Variants in GAL3ST3 observed in about 807,000 individuals in gnomAD.
The protein encoded by GAL3ST3 is galactose-3-O-sulfotransferase 3, also known as beta-galactose-3-O-sulfotransferase 3.
In GAL3ST3, 21 loss-of-function variants were observed where a neutral mutation model predicts 20.8. That is an observed-to-expected ratio of 1.01 (90% CI 0.72 to 1.45). The LOEUF is 1.45. Ranked by LOEUF, GAL3ST3 falls within the 40% of genes most tolerant of loss-of-function variation. GAL3ST3 has a pLI of 0.00. For missense variants in GAL3ST3, 739 were observed against 662.7 expected (o/e 1.12, Z -1.26); for synonymous variants, 355 against 307.2 (o/e 1.16, Z -1.63).
In GAL3ST3 at chr11:66,043,717, G is replaced by A. The variant is rs377367272; in HGVS notation, c.126-40C>T. On this transcript the variant is annotated intron_variant, in intron 2 of 2. Transcript: ENST00000312006. ...GAGTGTGCGGAGAGGAGGGTGTGAG[G>A]GGGCTGCCGCTTGACCCCTGCCCTT... The A allele has an allele frequency of 4.1e-3, 6,301 of 1,530,912 alleles. 18 individuals carry two copies. Among genetic ancestry groups the A allele is most frequent in the Non-Finnish European group, 5.1e-3 (5,771 of 1,131,008 alleles). The allele number at this position is 1,530,912 out of a possible 1,614,324, so 94.8% of individuals were successfully genotyped here.
In GAL3ST3 at chr11:66,045,327, A is replaced by G; in HGVS notation, c.89T>C (p.Val30Ala). The G allele has an allele frequency of 1.2e-6, 2 of 1,600,416 alleles. No homozygotes were observed. Among genetic ancestry groups the G allele is most frequent in the Non-Finnish European group, 8.5e-7 (1 of 1,172,926 alleles). ...ILLLVLGCST[V>A]SLLIHQGAQL... Reference sequence around the variant, plus strand: ...CGCCCCCTGGTGGATGAGAAGGCTTACGGTGCTGCACCCTAGCACCAGCAG... The same window carrying G: ...CGCCCCCTGGTGGATGAGAAGGCTTGCGGTGCTGCACCCTAGCACCAGCAG... Residue 30 changes from valine to alanine, a missense_variant, in exon 2 of 3, where the codon GTA (valine) becomes GCA (alanine). By Grantham distance (64) the Val-to-Ala change is moderately conservative. Coordinates refer to ENST00000312006, the MANE Select transcript of GAL3ST3 (RefSeq NM_033036.3).
chr11:66,043,534 T>C lies in GAL3ST3; in HGVS notation c.269A>G (p.His90Arg). Residue 90 changes from histidine (H) to arginine (R), a missense_variant, in exon 3 of 3, where the codon CAC becomes CGC. His to Arg is a conservative substitution (Grantham distance 29). Transcript: ENST00000312006. ...QNILFRFAER[H>R]NLTVALPHPS... ...GTGCGGCAGGGCCACCGTCAGGTTG[T>C]GGCGCTCGGCAAAGCGAAACAGGAT... The C allele has an allele frequency of 1.9e-6, 3 of 1,610,936 alleles. No individual in the cohort carries two copies. The highest frequency in any genetic ancestry group is 1.1e-5 in the South Asian group (1 of 91,076).
In GAL3ST3 at chr11:66,042,569, CG is replaced by C. The variant is rs1856717696; in HGVS notation, c.1233del (p.Val412SerfsTer49). On this transcript the variant is annotated frameshift_variant, in exon 3 of 3. Coordinates refer to ENST00000312006, the MANE Select transcript of GAL3ST3 (RefSeq NM_033036.3). LOFTEE classifies it high-confidence loss of function. The stretch of plus-strand genomic sequence containing the variant: ...GGCCGAGGCGGGGGATTGTCCAGGA[CG>C]GGCTCGGGCCGAGCCCGCGCACCGC... ...RRGGARARPE[P>X]VLDNPPPRPI... The C allele has an allele frequency of 2.6e-6, 4 of 1,518,846 alleles. No individual in the cohort carries two copies. Among genetic ancestry groups the C allele is most frequent in the Non-Finnish European group, 1.8e-6 (2 of 1,137,716 alleles). The allele number at this position is 1,518,846 out of a possible 1,614,324, so 94.1% of individuals were successfully genotyped here.
At chr11:66,048,000 C>G (rs1368082833) in intron 1 of GAL3ST3, among the ~76,000 whole-genome samples, 1 of 152,136 alleles carries the variant, frequency 6.6e-6, no homozygotes, top group African/African-American at 2.4e-5. Flanking sequence ...GAGATGGGGC[C>G]AAGGCAGTGC....
At chr11:66,045,256 G>A (rs1350493912) in intron 2 of GAL3ST3, 35 bp downstream of exon 2, 1 of 1,478,996 alleles carries the variant, frequency 6.8e-7, no homozygotes, top group African/African-American at 1.4e-5. Flanking sequence ...AATGGGGAGG[G>A]GAGCTCCGGC....
chr11:66,042,692 C>T lies in GAL3ST3; in HGVS notation c.1111G>A (p.Gly371Ser), dbSNP rs1210106692. 1.3e-5 allele frequency: 20 copies of T among 1,533,902 alleles called. No individual in the cohort carries two copies. The highest frequency in any genetic ancestry group is 1.7e-5 in the Non-Finnish European group (19 of 1,145,798). ...TCGGTGGCCGGGCCGGCGCCGCCGCCGGGCAGGTCATAGCCCATAATGTCC... is the reference window on the plus strand; with the variant it reads ...TCGGTGGCCGGGCCGGCGCCGCCGCTGGGCAGGTCATAGCCCATAATGTCC... The part of the protein sequence containing the change: ...KVDIMGYDLP[G>S]GGAGPATEAC... Residue 371 changes from glycine to serine, a missense_variant, in exon 3 of 3, where the codon GGC (glycine) becomes AGC (serine). Transcript: ENST00000312006.
chr11:66,047,046 C>T (rs1378183391), intron 1 of GAL3ST3, among the ~76,000 whole-genome samples: 1 of 152,162 alleles, frequency 6.6e-6, no homozygotes, highest in African/African-American at 2.4e-5. Context: ...CACCTGCCTG[C>T]AGACAGACTT....
Position 66,042,752 on chromosome 11 carries a change from T to C in GAL3ST3, c.1051A>G (p.Lys351Glu), listed in dbSNP as rs1856722226. The C allele has an allele frequency of 1.3e-6, 2 of 1,532,018 alleles. No individual in the cohort carries two copies. The highest frequency in any genetic ancestry group is 1.7e-6 in the Non-Finnish European group (2 of 1,145,128). The allele number at this position is 1,532,018 out of a possible 1,614,324, so 94.9% of individuals were successfully genotyped here. Reference protein sequence around the residue: ...LLRPAAQIRTKQLQPWQPSRK... With the variant: ...LLRPAAQIRTEQLQPWQPSRK... ...CTGGGCTGCCACGGCTGCAGCTGCT[T>C]GGTGCGGATCTGCGCGGCAGGCCGC... Residue 351 changes from lysine (K) to glutamate (E), a missense_variant, in exon 3 of 3, where the codon AAG becomes GAG. By Grantham distance (56) the Lys-to-Glu change is moderately conservative. Transcript: ENST00000312006.
chr11:66,047,629 A>G (rs754726836), intron 1 of GAL3ST3, among the ~76,000 whole-genome samples: 49 of 152,194 alleles, frequency 3.2e-4, no homozygotes, highest in Non-Finnish European at 6.5e-4. Flanking sequence ...CAGCTTCTGT[A>G]TGGCCACTGT....
Position 66,043,114 on chromosome 11 carries a change from T to A in GAL3ST3, c.689A>T (p.Gln230Leu), listed in dbSNP as rs776809746. The change falls in exon 3 of 3, where the codon CAG becomes CTG. Residue 230 changes from glutamine to leucine, a missense_variant. By Grantham distance (113) the Gln-to-Leu change is moderately radical. Coordinates refer to ENST00000312006, the MANE Select transcript of GAL3ST3 (RefSeq NM_033036.3). Reference protein sequence around the residue: ...DAAYLAGLIRQVEEVFSLVMI... With the variant: ...DAAYLAGLIRLVEEVFSLVMI... ...GACGAGCGAGAAAACCTCCTCCACC[T>A]GGCGGATGAGGCCCGCCAGGTAGGC... is the stretch of plus-strand genomic sequence containing the variant. The A allele has an allele frequency of 6.2e-7, 1 of 1,611,582 alleles. No homozygotes were observed. Among genetic ancestry groups the A allele is most frequent in the East Asian group, 2.2e-5 (1 of 44,840 alleles).
At position 66,043,055 on chromosome 11, in the gene GAL3ST3, G is replaced by T; in HGVS notation, c.748C>A (p.Leu250Met). 1 of 1,611,400 alleles carries T rather than the reference G, an allele frequency of 6.2e-7. No individual in the cohort carries two copies. Reference protein sequence around the residue: ...IAEYFDESLVLLRRLLAWDLD... With the variant: ...IAEYFDESLVMLRRLLAWDLD... ...TCCCAGGCCAGTAGGCGCCGCAGCA[G>T]CACTAGCGACTCGTCGAAGTACTCG... Residue 250 changes from leucine (L) to methionine (M), a missense_variant, in exon 3 of 3, where the codon CTG becomes ATG. Physicochemically the swap from Leu to Met is conservative, Grantham distance 15. Coordinates refer to ENST00000312006, the MANE Select transcript of GAL3ST3 (RefSeq NM_033036.3).
At chr11:66,048,678 C>T (rs1041899544) in intron 1 of GAL3ST3, among the ~76,000 whole-genome samples, 1 of 143,766 alleles carries the variant, frequency 7.0e-6, no homozygotes, top group African/African-American at 2.6e-5. Context: ...CCAGCCTCCT[C>T]TCTCTCTCAT....
chr11:66,042,370 G>A lies in GAL3ST3; in HGVS notation c.*137C>T, dbSNP rs1856714169. 3 of 663,794 alleles carry A rather than the reference G, an allele frequency of 4.5e-6. No homozygotes were observed. The highest frequency in any genetic ancestry group is 7.2e-6 in the Non-Finnish European group (3 of 419,438). The allele number at this position is 663,794 out of a possible 1,614,324, so 41.1% of individuals were successfully genotyped here. A position where few individuals can be genotyped will look rare whatever the true frequency, so the allele number is the denominator to read the frequency against. ...CGGGAGCGGGGGCTCAGATAGGGAG[G>A]CGTACCCCAAAGTTCAGCGAGGGAC... On this transcript the variant is annotated 3_prime_UTR_variant, in exon 3 of 3. Transcript: ENST00000312006.
intron 1 of GAL3ST3, among the ~76,000 whole-genome samples, chr11:66,048,600 A>G (rs1297203990): frequency 6.6e-6 from 1 of 151,230 alleles, no homozygotes; most frequent in Non-Finnish European, 1.5e-5. Context: ...GGGAGAGCAA[A>G]TCTTTCCACC....
Position 66,043,320 on chromosome 11 carries a change from G to A in GAL3ST3, c.483C>T (p.Leu161=), listed in dbSNP as rs1452999079. The part of the protein sequence containing the change: ...LREPAAMFES[L]FSYYNQYCPA... ...GGCAGTACTGGTTGTAGTAGCTGAA[G>A]AGCGACTCGAACATGGCGGCCGGCT... Residue 161 remains leucine, a synonymous_variant, in exon 3 of 3, where the codon CTC becomes CTT. Transcript: ENST00000312006. 2 of 1,612,384 alleles carry A rather than the reference G, an allele frequency of 1.2e-6. No individual in the cohort carries two copies. The highest frequency in any genetic ancestry group is 1.7e-6 in the Non-Finnish European group (2 of 1,179,306).
At position 66,042,496 on chromosome 11, in the gene GAL3ST3, G is replaced by A. The variant is rs199609324; in HGVS notation, c.*11C>T. 6.4e-3 allele frequency: 9,301 copies of A among 1,457,496 alleles called. 44 individuals carry two copies. Among genetic ancestry groups the A allele is most frequent in the Non-Finnish European group, 6.7e-3 (7,498 of 1,111,960 alleles). The allele number at this position is 1,457,496 out of a possible 1,614,324, so 90.3% of individuals were successfully genotyped here. ...CAGGGCAGGACCCATACTCCTGGAG[G>A]CCTGCGGAGCTCAGGGACCTTGAGG... On this transcript the variant is annotated 3_prime_UTR_variant, in exon 3 of 3. Coordinates refer to ENST00000312006, the MANE Select transcript of GAL3ST3 (RefSeq NM_033036.3).
chr11:66,043,852 G>C (rs1196420842), intron 2 of GAL3ST3, among the ~76,000 whole-genome samples, 175 bp from the exon 3 acceptor site: 2 of 152,194 alleles, frequency 1.3e-5, no homozygotes. Flanking sequence ...GATCCCTGCT[G>C]CCCTCCTGGT....
chr11:66,047,693 C>T (rs1856795984), intron 1 of GAL3ST3, among the ~76,000 whole-genome samples: 1 of 152,226 alleles, frequency 6.6e-6, no homozygotes, highest in Non-Finnish European at 1.5e-5. Context: ...TTCTGAGCAA[C>T]TTACAGCTTG....
In GAL3ST3 at chr11:66,040,932, T is replaced by A. The variant is rs115605477; in HGVS notation, c.*1575A>T. Among the ~76,000 whole-genome samples the A allele has an allele frequency of 5.1e-3, 783 of 152,342 alleles. 10 individuals are homozygous for A. The highest frequency in any genetic ancestry group is 0.016 in the African/African-American group (652 of 41,578). On this transcript the variant is annotated 3_prime_UTR_variant, in exon 3 of 3. Coordinates refer to ENST00000312006, the MANE Select transcript of GAL3ST3 (RefSeq NM_033036.3). ...GCATCCTGCCAATCAATCACTGTAA[T>A]GTCCATTGTCCAAACAGGTCAACCG...
Sources: allele counts gnomAD v4.1 joint callset (sites outside exome capture counted in the v4.1 genomes callset), GRCh38; gene constraint gnomAD v4.1.1; transcripts MANE v1.5; gene names NCBI Gene and HGNC (gene_info 2026-07-23, HGNC 2026-07-21).